SLC9A9: variants seen among roughly 807,000 people sequenced by gnomAD.
SLC9A9 encodes the protein sodium/hydrogen exchanger 9.
In SLC9A9, 62 loss-of-function variants were observed where a neutral mutation model predicts 77.8. The observed-to-expected ratio is 0.80, with a 90% CI of 0.65 to 0.98. The LOEUF (loss-of-function observed/expected upper bound fraction) is 0.98. SLC9A9 is among the 50% of genes least tolerant of loss of function. SLC9A9 has a pLI of 0.00. For synonymous variants in SLC9A9, 320 were observed against 283.5 expected, an observed-to-expected ratio of 1.13 and a Z score of -1.29; for missense variants, 775 against 774.9, an observed-to-expected ratio of 1.00 and a Z score of 0.00.
At chr3:143,596,566 A>T (rs1416184786) in intron 6 of SLC9A9, among the ~76,000 whole-genome samples, 2 of 152,176 alleles carry the variant, frequency 1.3e-5, no homozygotes, top group Non-Finnish European at 2.9e-5. Context: ...GGTCTATGGG[A>T]TCATTAAAAT....
intron 5 of SLC9A9, among the ~76,000 whole-genome samples, chr3:143,658,999 A>G (rs984755983): frequency 6.6e-6 from 1 of 152,204 alleles, no homozygotes; most frequent in Non-Finnish European, 1.5e-5. Context: ...ATAAACATTT[A>G]ACAAAGATTC....
chr3:143,770,544 A>G (rs982725111), intron 4 of SLC9A9, among the ~76,000 whole-genome samples: 4 of 152,180 alleles, frequency 2.6e-5, no homozygotes, highest in African/African-American at 4.8e-5. Context: ...TTACATCACA[A>G]CTATCCTACC....
chr3:143,382,701 C>T (rs10446326), intron 12 of SLC9A9, among the ~76,000 whole-genome samples: 26,590 of 152,124 alleles, frequency 0.17, 2,675 homozygotes, highest in Middle Eastern at 0.26. Flanking sequence ...AAAAAAATTA[C>T]ATATGTTTTT....
intron 2 of SLC9A9, among the ~76,000 whole-genome samples, chr3:143,797,732 C>T (rs909829509): frequency 2.9e-4 from 44 of 152,100 alleles, no homozygotes; most frequent in African/African-American, 1.0e-3. Context: ...CCACTGAGCA[C>T]CTTGTGTCCC....
At chr3:143,670,210 G>T (rs1437327787) in intron 5 of SLC9A9, among the ~76,000 whole-genome samples, 1 of 152,152 alleles carries the variant, frequency 6.6e-6, no homozygotes, top group African/African-American at 2.4e-5. Flanking sequence ...TTGTCTTTAA[G>T]GGCCTTCCAC....
At chr3:143,735,169 C>A (rs1934907935) in intron 4 of SLC9A9, among the ~76,000 whole-genome samples, 1 of 152,154 alleles carries the variant, frequency 6.6e-6, no homozygotes, top group Admixed American at 6.5e-5. Flanking sequence ...AAATTCTCTT[C>A]TTTTTCTCTG....
chr3:143,284,430 T>C (rs1938322102), intron 14 of SLC9A9, among the ~76,000 whole-genome samples: 1 of 151,776 alleles, frequency 6.6e-6, no homozygotes, highest in Non-Finnish European at 1.5e-5. Context: ...GAAACCAAAT[T>C]TGAAATCACC....
At chr3:143,590,696 C>G (rs896777562) in intron 6 of SLC9A9, among the ~76,000 whole-genome samples, 3 of 152,068 alleles carry the variant, frequency 2.0e-5, no homozygotes, top group Admixed American at 6.6e-5. Flanking sequence ...GTAGATATAC[C>G]ACAGAAATCC....
intron 4 of SLC9A9, among the ~76,000 whole-genome samples, chr3:143,770,931 C>A (rs2007495139): frequency 6.6e-6 from 1 of 152,004 alleles, no homozygotes; most frequent in East Asian, 1.9e-4. Context: ...ACCTAGATGA[C>A]AGGTTGAAAG....
chr3:143,596,806 G>A (rs923319897), intron 6 of SLC9A9, among the ~76,000 whole-genome samples: 1 of 151,986 alleles, frequency 6.6e-6, no homozygotes, highest in Non-Finnish European at 1.5e-5. Context: ...GGGATCATAG[G>A]TGTGCATCAC....
chr3:143,395,555 A>G (rs2033706104), intron 12 of SLC9A9, among the ~76,000 whole-genome samples: 1 of 152,222 alleles, frequency 6.6e-6, no homozygotes, highest in South Asian at 2.1e-4. Flanking sequence ...CTTCATGTCT[A>G]AAACACCAAA....
intron 9 of SLC9A9, chr3:143,503,739 A>G: frequency 2.8e-6 from 1 of 359,694 alleles, no homozygotes; most frequent in East Asian, 7.9e-5. Context: ...CATTGATGGC[A>G]TGGATGTGGC....
intron 1 of SLC9A9, 43 bp downstream of exon 1, chr3:143,848,105 C>G (rs762408757): frequency 1.9e-6 from 3 of 1,578,856 alleles, no homozygotes; most frequent in Non-Finnish European, 2.6e-6. Context: ...TAATTACGCT[C>G]AAGCAACAAG....
intron 2 of SLC9A9, among the ~76,000 whole-genome samples, chr3:143,828,546 C>A (rs190128737): frequency 7.9e-5 from 12 of 151,808 alleles, no homozygotes; most frequent in Admixed American, 7.2e-4. Flanking sequence ...GAGAAAGAAA[C>A]AAGCACATAC....
At chr3:143,573,956 C>T in intron 8 of SLC9A9, 132 bp downstream of exon 8, 1 of 767,188 alleles carries the variant, frequency 1.3e-6, no homozygotes, top group Non-Finnish European at 2.3e-6. Context: ...GAGGCTGATT[C>T]TGACCCAAAC....
intron 2 of SLC9A9, among the ~76,000 whole-genome samples, chr3:143,799,221 A>G (rs1053727360): frequency 2.0e-5 from 3 of 151,928 alleles, no homozygotes; most frequent in Non-Finnish European, 4.4e-5. Flanking sequence ...ATTTGGCAAC[A>G]ACCCTTAGAT....
chr3:143,483,244 C>T (rs550493396), intron 11 of SLC9A9, among the ~76,000 whole-genome samples: 1 of 152,294 alleles, frequency 6.6e-6, no homozygotes, highest in South Asian at 2.1e-4. Flanking sequence ...GTGAGAAATT[C>T]AGTGTGGACC....
At chr3:143,580,679 G>A (rs2037437101) in intron 6 of SLC9A9, among the ~76,000 whole-genome samples, 1 of 152,188 alleles carries the variant, frequency 6.6e-6, no homozygotes, top group Non-Finnish European at 1.5e-5. Flanking sequence ...TCATCTGGGT[G>A]TGCCCACTGA....
chr3:143,687,739 G>T (rs1426591103), intron 5 of SLC9A9, among the ~76,000 whole-genome samples: 1 of 120,732 alleles, frequency 8.3e-6, no homozygotes, highest in African/African-American at 2.9e-5. Context: ...AGTTTTGTCT[G>T]TTAAAAAAAA....
Sources: gnomAD v4.1 joint callset for allele counts (sites outside exome capture counted in the v4.1 genomes callset) on GRCh38, gnomAD v4.1.1 for gene constraint, MANE v1.5 for transcripts, NCBI Gene and HGNC (gene_info 2026-07-23, HGNC 2026-07-21) for gene names.